BTNL9: variants seen among roughly 807,000 people sequenced by gnomAD.
BTNL9 encodes butyrophilin-like protein 9.
BTNL9 carries 45 observed loss-of-function variants against 45.8 expected under a neutral mutation model. That is an observed-to-expected ratio of 0.98 (90% confidence interval 0.77 to 1.26). The LOEUF (loss-of-function observed/expected upper bound fraction) is 1.26. Among genes scored for constraint, BTNL9 ranks in the 50% most tolerant of loss-of-function variants. BTNL9 has a pLI of 0.00. For missense variants in BTNL9, 784 were observed against 729.7 expected (o/e 1.07, Z -0.86); for synonymous variants, 346 against 330.8 (o/e 1.05, Z -0.50).
intron 9 of BTNL9, chr5:181,056,430 C>T (rs1276181745): frequency 4.6e-6 from 3 of 657,052 alleles, no homozygotes; most frequent in Admixed American, 2.3e-5. Context: ...ATGTAAGTGA[C>T]ATTTATGGTT....
Position 181,045,614 on chromosome 5 carries a change from CCTAG to C in BTNL9, c.109+19_109+22del. On this transcript the variant is annotated intron_variant, in intron 2 of 10. Transcript: ENST00000327705. Reference sequence around the variant, plus strand: ...CCGAGCTCAGGTATTGTGTCTGCAGCCTAGCTGGCCAGGATGTGAACGCCACCCC... The same window carrying C: ...CCGAGCTCAGGTATTGTGTCTGCAGCCTGGCCAGGATGTGAACGCCACCCC... 1 of 1,594,026 alleles carries C rather than the reference CCTAG, an allele frequency of 6.3e-7. No homozygotes were observed. The highest frequency in any genetic ancestry group is 8.6e-7 in the Non-Finnish European group (1 of 1,162,970).
At chr5:181,048,809 TTA>T (rs1214199549) in intron 3 of BTNL9, among the ~76,000 whole-genome samples, 1 of 37,558 alleles carries the variant, frequency 2.7e-5, no homozygotes, top group Non-Finnish European at 5.9e-5. Context: ...TATTATATAA[TTA>T]TATTAGTTAT....
rs1000204587 is a variant in BTNL9 at position 181,061,478 on chromosome 5, A to G, written c.*1616A>G. On this transcript the variant is annotated 3_prime_UTR_variant, in exon 11 of 11. Coordinates refer to ENST00000327705, the MANE Select transcript of BTNL9 (RefSeq NM_152547.5). ...TGTATTTTTTAATGTTCAATAATGTATATGTATCAGTTCTGTAATAAAGGG... is the reference window on the plus strand; with the variant it reads ...TGTATTTTTTAATGTTCAATAATGTGTATGTATCAGTTCTGTAATAAAGGG... 2 of 152,232 alleles carry G rather than the reference A, an allele frequency of 1.3e-5. No individual in the cohort carries two copies. The highest frequency in any genetic ancestry group is 4.8e-5 in the African/African-American group (2 of 41,464). The allele number at this position is 152,232 out of a possible 1,614,324, so 9.4% of individuals were successfully genotyped here. A position where few individuals can be genotyped will look rare whatever the true frequency, so the allele number is the denominator to read the frequency against.
At chr5:181,045,424 C>T (rs1761045542) in intron 1 of BTNL9, 43 bp from the exon 2 acceptor site, 1 of 1,054,260 alleles carries the variant, frequency 9.5e-7, no homozygotes, top group Non-Finnish European at 1.5e-6. Flanking sequence ...CCAGCTCCCC[C>T]TACCTTTGCA....
At chr5:181,056,743 C>T (rs552321321) in intron 9 of BTNL9, 23 of 614,038 alleles carry the variant, frequency 3.7e-5, no homozygotes, top group Middle Eastern at 4.3e-4. Flanking sequence ...AAGGCAGTGT[C>T]GTTATCCTGC....
Position 181,055,097 on chromosome 5 carries a change from TTAGGCGG to T in BTNL9, c.908-335_908-329del. 1 of 1,126,836 alleles carries T rather than the reference TTAGGCGG, an allele frequency of 8.9e-7. No homozygotes were observed. Among genetic ancestry groups the T allele is most frequent in the Middle Eastern group, 3.9e-4 (1 of 2,578 alleles). The allele number at this position is 1,126,836 out of a possible 1,614,324, so 69.8% of individuals were successfully genotyped here. A position where few individuals can be genotyped will look rare whatever the true frequency, so the allele number is the denominator to read the frequency against. ...CGTAGGCGGCCCTCAGTGCCTGCACTTAGGCGGGAGCTCCGCCCCAGGAAGCTTGTGA... is the reference window on the plus strand; with the variant it reads ...CGTAGGCGGCCCTCAGTGCCTGCACTGAGCTCCGCCCCAGGAAGCTTGTGA... On this transcript the variant is annotated intron_variant, in intron 7 of 10. Transcript: ENST00000327705. The surrounding 1 kb of genome is among the most constrained non-coding windows in gnomAD (Gnocchi z 4.4).
At position 181,054,368 on chromosome 5, in the gene BTNL9, A is replaced by T; in HGVS notation, c.907+109A>T. 5 of 1,555,886 alleles carry T rather than the reference A, an allele frequency of 3.2e-6. No homozygotes were observed. In the South Asian group the frequency reaches 3.8e-5, roughly 12 times the overall value. On this transcript the variant is annotated intron_variant, in intron 7 of 10. Coordinates refer to ENST00000327705, the MANE Select transcript of BTNL9 (RefSeq NM_152547.5). ...AGCGGCTGGCAACTATCTAATTCTA[A>T]ACCATCCCTGTGAGCCTCCACCTCT...
At position 181,042,252 on chromosome 5, in the gene BTNL9, C is replaced by A. The variant is rs1326811396; in HGVS notation, c.-24+1820C>A. Among the ~76,000 whole-genome samples, 1 of 152,254 alleles carries A rather than the reference C, an allele frequency of 6.6e-6. No individual in the cohort carries two copies. Among genetic ancestry groups the A allele is most frequent in the Non-Finnish European group, 1.5e-5 (1 of 68,048 alleles). ...CTCCTGGGAGGACAAGCAGCACGTG[C>A]CCGCCGGCAGAGCTCAGCTCCAGCT... On this transcript the variant is annotated intron_variant, in intron 1 of 10. Transcript: ENST00000327705. The surrounding 1 kb of genome is among the most constrained non-coding windows in gnomAD (Gnocchi z 4.5).
Position 181,042,522 on chromosome 5 carries a change from C to T in BTNL9, c.-24+2090C>T, listed in dbSNP as rs893117873. On this transcript the variant is annotated intron_variant, in intron 1 of 10. Coordinates refer to ENST00000327705, the MANE Select transcript of BTNL9 (RefSeq NM_152547.5). The surrounding 1 kb of genome is among the most constrained non-coding windows in gnomAD (Gnocchi z 4.5). ...GAAGAGTGAGGTCAGAAAGGGCGGACGCACAGCAGCAAACGGGGAGGAGGG... is the reference window on the plus strand; with the variant it reads ...GAAGAGTGAGGTCAGAAAGGGCGGATGCACAGCAGCAAACGGGGAGGAGGG... Among the ~76,000 whole-genome samples the T allele has an allele frequency of 4.6e-5, 7 of 152,120 alleles. No individual in the cohort carries two copies. Among genetic ancestry groups the T allele is most frequent in the South Asian group, 2.1e-4 (1 of 4,824 alleles).
chr5:181,055,826 T>G lies in BTNL9; in HGVS notation c.929-163T>G. ...CATTTTGCATCTGATTCCCCATATA[T>G]CTTCTTCTCATCTCCCAACCAGGTA... On this transcript the variant is annotated intron_variant, in intron 8 of 10. Coordinates refer to ENST00000327705, the MANE Select transcript of BTNL9 (RefSeq NM_152547.5). This position sits in a 1 kb window ranked among gnomAD's most constrained non-coding sequence, Gnocchi z 4.4. 1 of 809,236 alleles carries G rather than the reference T, an allele frequency of 1.2e-6. No individual in the cohort carries two copies. Among genetic ancestry groups the G allele is most frequent in the South Asian group, 1.4e-5 (1 of 73,592 alleles). The allele number at this position is 809,236 out of a possible 1,614,324, so 50.1% of individuals were successfully genotyped here.
intron 4 of BTNL9, among the ~76,000 whole-genome samples, chr5:181,052,190 A>G (rs949265216): frequency 2.6e-5 from 4 of 152,214 alleles, no homozygotes; most frequent in African/African-American, 9.6e-5. Context: ...ATTAAAAACC[A>G]CAGTCCACTG....
intron 9 of BTNL9, chr5:181,056,972 T>C (rs1761913039): frequency 4.6e-6 from 1 of 218,778 alleles, no homozygotes; most frequent in African/African-American, 2.3e-5. Context: ...TCTTATGGGA[T>C]GGCTGTCTTT....
chr5:181,042,959 G>A lies in BTNL9; in HGVS notation c.-23-2508G>A, dbSNP rs1044412569. Among the ~76,000 whole-genome samples, 12 of 152,126 alleles carry A rather than the reference G, an allele frequency of 7.9e-5. No individual in the cohort carries two copies. Among genetic ancestry groups the A allele is most frequent in the African/African-American group, 2.9e-4 (12 of 41,416 alleles). The stretch of plus-strand genomic sequence containing the variant: ...TAGCTGGTGAGGAATCTGAATTCGA[G>A]AAGTGCAGAGCGAGGCTCTGGAACC... On this transcript the variant is annotated intron_variant, in intron 1 of 10. Coordinates refer to ENST00000327705, the MANE Select transcript of BTNL9 (RefSeq NM_152547.5). This position sits in a 1 kb window ranked among gnomAD's most constrained non-coding sequence, Gnocchi z 4.5.
At chr5:181,051,217 G>A (rs1359274189) in intron 4 of BTNL9, among the ~76,000 whole-genome samples, 1 of 152,102 alleles carries the variant, frequency 6.6e-6, no homozygotes, top group African/African-American at 2.4e-5. Flanking sequence ...GCAGTGAGCT[G>A]AAGGCAAGGT....
In BTNL9 at chr5:181,055,747, C is replaced by A. The variant is rs1483467558; in HGVS notation, c.929-242C>A. ...TGGCGCCACTGCACTCCAGCCTGGGCGACAGAGCGAGACTCTGTCTCAAAA... is the reference window on the plus strand; with the variant it reads ...TGGCGCCACTGCACTCCAGCCTGGGAGACAGAGCGAGACTCTGTCTCAAAA... On this transcript the variant is annotated intron_variant, in intron 8 of 10. Transcript: ENST00000327705. The surrounding 1 kb of genome is among the most constrained non-coding windows in gnomAD (Gnocchi z 4.4). The A allele has an allele frequency of 2.4e-5, 17 of 703,878 alleles. No individual in the cohort carries two copies. The highest frequency in any genetic ancestry group is 4.1e-5 in the Non-Finnish European group (16 of 388,750). 43.6% of individuals were successfully genotyped at this position (703,878 alleles called of 1,614,324 possible).
intron 4 of BTNL9, among the ~76,000 whole-genome samples, chr5:181,051,092 A>AC (rs1028800102): frequency 1.0e-4 from 15 of 150,470 alleles, no homozygotes; most frequent in East Asian, 5.8e-4. Flanking sequence ...AAAAAAACAA[A>AC]AAAAAAAAAA....
At chr5:181,052,634 G>C (rs1392619571) in intron 4 of BTNL9, among the ~76,000 whole-genome samples, 1 of 152,226 alleles carries the variant, frequency 6.6e-6, no homozygotes, top group Non-Finnish European at 1.5e-5. Flanking sequence ...TCCCTGCGCC[G>C]CTGGTGCTGT....
In BTNL9 at chr5:181,045,485, G is replaced by T. The variant is rs200561150; in HGVS notation, c.-5G>T. ...TCTCCAGGTGGCCCCCACTGCTGAC[G>T]AGAGATGGTGGACCTCTCAGTCTCC... is the stretch of plus-strand genomic sequence containing the variant. On this transcript the variant is annotated 5_prime_UTR_variant, in exon 2 of 11. Coordinates refer to ENST00000327705, the MANE Select transcript of BTNL9 (RefSeq NM_152547.5). 1.3e-6 allele frequency: 2 copies of T among 1,595,638 alleles called. No homozygotes were observed. The highest frequency in any genetic ancestry group is 1.7e-6 in the Non-Finnish European group (2 of 1,163,876).
Position 181,059,321 on chromosome 5 carries a change from CGCCAGGCCCGGCGCCTG to C in BTNL9, c.1072_1088del (p.Gly358ProfsTer145). On this transcript the variant is annotated frameshift_variant, in exon 11 of 11. Coordinates refer to ENST00000327705, the MANE Select transcript of BTNL9 (RefSeq NM_152547.5). LOFTEE classifies it low-confidence loss of function (END_TRUNC). ...AAGAGCGTGTCTTCCCGCGGGGCGC[CGCCAGGCCCGGCGCCTG>C]GCCACCCGCAGCGGTTCTCGGAGCA... is the stretch of plus-strand genomic sequence containing the variant. 1 of 1,553,540 alleles carries C rather than the reference CGCCAGGCCCGGCGCCTG, an allele frequency of 6.4e-7. No individual in the cohort carries two copies. Among genetic ancestry groups the C allele is most frequent in the Non-Finnish European group, 8.7e-7 (1 of 1,154,388 alleles).
Sources: allele counts gnomAD v4.1 joint callset (sites outside exome capture counted in the v4.1 genomes callset), GRCh38; gene constraint gnomAD v4.1.1; non-coding constraint Gnocchi (gnomAD v3.1); transcripts MANE v1.5; gene names NCBI Gene and HGNC (gene_info 2026-07-23, HGNC 2026-07-21).